The following KDM7A variants were observed in gnomAD, a reference collection of about 807,000 sequenced individuals.
KDM7A encodes the protein lysine demethylase 7A.
Under a neutral mutation model 114.8 loss-of-function variants are expected in KDM7A, and 28 were observed. That is an observed-to-expected ratio of 0.24 (90% confidence interval 0.18 to 0.33). The LOEUF (loss-of-function observed/expected upper bound fraction) is 0.33. Among genes scored for constraint, KDM7A ranks in the 10% least tolerant of loss-of-function variants. The pLI, the probability that KDM7A is intolerant of heterozygous loss-of-function variation, is 1.00. For synonymous variants in KDM7A, 423 were observed against 397.8 expected (o/e 1.06, Z -0.75); for missense variants, 942 against 1,142.5 (o/e 0.82, Z 2.53).
intron 7 of KDM7A, 96 bp downstream of exon 7, chr7:140,124,525 T>TACTTTCC: frequency 1.3e-6 from 1 of 792,540 alleles, no homozygotes; most frequent in Non-Finnish European, 1.9e-6. Context: ...TCATAAAAAC[T>TACTTTCC]ACTTTCCAAA....
In KDM7A at chr7:140,094,128, G is replaced by A; in HGVS notation, c.2385C>T (p.Val795=). 6.3e-7 allele frequency: 1 copy of A among 1,584,404 alleles called. No homozygotes were observed. Among genetic ancestry groups the A allele is most frequent in the Non-Finnish European group, 8.7e-7 (1 of 1,152,894 alleles). The part of the protein sequence containing the change: ...YDKPVECGYH[V]KTEDPDLRTS... ...TCCTCAAGTCTGGATCTTCAGTCTT[G>A]ACATGGTATCCTAAAGAGAAGTTTT... Residue 795 remains valine, a synonymous_variant, in exon 18 of 20, where the codon GTC becomes GTT. Coordinates refer to ENST00000397560, the MANE Select transcript of KDM7A (RefSeq NM_030647.2).
chr7:140,092,018 C>T lies in KDM7A; in HGVS notation c.2517G>A (p.Arg839=), dbSNP rs144582958. The T allele has an allele frequency of 4.3e-6, 7 of 1,614,028 alleles. No individual in the cohort carries two copies. Among genetic ancestry groups the T allele is most frequent in the Non-Finnish European group, 5.9e-6 (7 of 1,179,958 alleles). ...RKEGSSEISQ[R]VQSRNYVDSS... is the part of the protein sequence containing the mutation. ...TGTCCACATAATTCCTACTTTGTAC[C>T]CTCTGACTAATTTCTGATGAACCTT... is the stretch of plus-strand genomic sequence containing the variant. Residue 839 remains arginine, a synonymous_variant, in exon 19 of 20, where the codon AGG becomes AGA. Coordinates refer to ENST00000397560, the MANE Select transcript of KDM7A (RefSeq NM_030647.2).
intron 1 of KDM7A, among the ~76,000 whole-genome samples, chr7:140,169,767 G>A (rs1257335747): frequency 2.6e-5 from 4 of 151,932 alleles, no homozygotes; most frequent in South Asian, 2.1e-4. Context: ...CTTGTGATCC[G>A]CCCGCCTCAG....
intron 9 of KDM7A, among the ~76,000 whole-genome samples, chr7:140,117,632 C>T (rs1042702485): frequency 4.6e-5 from 7 of 152,160 alleles, no homozygotes; most frequent in African/African-American, 1.7e-4. Context: ...TTTATTTCCA[C>T]AAAACAAGGA....
intron 1 of KDM7A, among the ~76,000 whole-genome samples, chr7:140,157,392 TG>T (rs1794469044): frequency 6.6e-6 from 1 of 152,234 alleles, no homozygotes; most frequent in Admixed American, 6.5e-5. Context: ...CAGTGGCCCA[TG>T]CCTGTAACCC....
At position 140,090,011 on chromosome 7, in the gene KDM7A, A is replaced by G. The variant is rs984251164; in HGVS notation, c.*1083T>C. 4.6e-5 allele frequency: 7 copies of G among 152,230 alleles called. No homozygotes were observed. The allele number at this position is 152,230 out of a possible 1,614,324, so 9.4% of individuals were successfully genotyped here. ...TCCCAACAAATCAGGTATGGAGCAT[A>G]AAAGTATCATAAGGTATAACCTCTG... is the stretch of plus-strand genomic sequence containing the variant. On this transcript the variant is annotated 3_prime_UTR_variant, in exon 20 of 20. Coordinates refer to ENST00000397560, the MANE Select transcript of KDM7A (RefSeq NM_030647.2).
At chr7:140,106,512 A>G (rs574881525) in intron 11 of KDM7A, among the ~76,000 whole-genome samples, 3 of 152,340 alleles carry the variant, frequency 2.0e-5, no homozygotes, top group African/African-American at 7.2e-5. Context: ...GTTTCAAAGA[A>G]CATCCTTATT....
intron 1 of KDM7A, among the ~76,000 whole-genome samples, chr7:140,156,686 G>A (rs1794461589): frequency 6.6e-6 from 1 of 152,224 alleles, no homozygotes; most frequent in Non-Finnish European, 1.5e-5. Flanking sequence ...CTATCCCAGA[G>A]GCATAATGCC....
intron 2 of KDM7A, among the ~76,000 whole-genome samples, chr7:140,135,000 C>T (rs1477512051): frequency 6.7e-6 from 1 of 148,636 alleles, no homozygotes; most frequent in Non-Finnish European, 1.5e-5. Flanking sequence ...TAACTTATGG[C>T]AGCCAAATCT....
At chr7:140,103,305 C>T (rs907348099) in intron 11 of KDM7A, among the ~76,000 whole-genome samples, 1 of 139,174 alleles carries the variant, frequency 7.2e-6, no homozygotes. Flanking sequence ...GTCAGCATTT[C>T]CTTTTTTTTT....
chr7:140,126,521 A>G, intron 6 of KDM7A, 116 bp downstream of exon 6: 1 of 579,272 alleles, frequency 1.7e-6, no homozygotes, highest in Non-Finnish European at 2.7e-6. Context: ...AAAAGTAAAA[A>G]AAAAAAAAAA....
At chr7:140,158,425 A>G (rs1794482606) in intron 1 of KDM7A, among the ~76,000 whole-genome samples, 1 of 152,214 alleles carries the variant, frequency 6.6e-6, no homozygotes, top group Admixed American at 6.5e-5. Flanking sequence ...AGAAGCATCA[A>G]GGATGACTCT....
At chr7:140,121,038 A>C (rs1818610833) in intron 7 of KDM7A, among the ~76,000 whole-genome samples, 2 of 152,248 alleles carry the variant, frequency 1.3e-5, no homozygotes, top group Middle Eastern at 3.4e-3. Context: ...TTGATGGGAC[A>C]CTCCATCGCC....
chr7:140,143,504 A>G (rs1242033805), intron 1 of KDM7A, among the ~76,000 whole-genome samples: 1 of 152,202 alleles, frequency 6.6e-6, no homozygotes, highest in Non-Finnish European at 1.5e-5. Context: ...TACACAACAC[A>G]ATACACAATT....
chr7:140,137,820 G>GA (rs966670463), intron 2 of KDM7A, among the ~76,000 whole-genome samples: 4 of 151,980 alleles, frequency 2.6e-5, no homozygotes, highest in Non-Finnish European at 4.4e-5. Flanking sequence ...AGTCTCTTTT[G>GA]AAAAAATAGA....
chr7:140,091,662 G>A (rs1406247887), intron 19 of KDM7A, 142 bp downstream of exon 19: 3 of 890,096 alleles, frequency 3.4e-6, no homozygotes, highest in African/African-American at 1.7e-5. Context: ...TCCTGTAGTA[G>A]CCTGTGTATA....
chr7:140,098,322 G>A (rs1437349888), intron 14 of KDM7A, among the ~76,000 whole-genome samples: 1 of 152,170 alleles, frequency 6.6e-6, no homozygotes, highest in Non-Finnish European at 1.5e-5. Flanking sequence ...GAAATATATT[G>A]AGAAACTAAG....
At chr7:140,141,371 C>G (rs1794272433) in intron 1 of KDM7A, among the ~76,000 whole-genome samples, 1 of 151,884 alleles carries the variant, frequency 6.6e-6, no homozygotes, top group Non-Finnish European at 1.5e-5. Flanking sequence ...ACCCCCCCCA[C>G]CCTAAAACTC....
intron 2 of KDM7A, 74 bp from the exon 3 acceptor site, chr7:140,133,730 C>A (rs111354753): frequency 5.2e-6 from 4 of 770,856 alleles, no homozygotes; most frequent in Non-Finnish European, 6.5e-6. Flanking sequence ...TCATTATATC[C>A]GACATAATCA....
Sources: gnomAD v4.1 joint callset for allele counts (sites outside exome capture counted in the v4.1 genomes callset) on GRCh38, gnomAD v4.1.1 for gene constraint, MANE v1.5 for transcripts, NCBI Gene and HGNC (gene_info 2026-07-23, HGNC 2026-07-21) for gene names.